The following HAT1 variants were observed in gnomAD, a reference collection of about 807,000 sequenced individuals.
HAT1 encodes the protein histone acetyltransferase 1.
In HAT1, 20 loss-of-function variants were observed where a neutral mutation model predicts 56.6. That is an observed-to-expected ratio of 0.35 (90% CI 0.25 to 0.51). The LOEUF (loss-of-function observed/expected upper bound fraction) is 0.51. Among genes scored for constraint, HAT1 ranks in the 20% least tolerant of loss-of-function variants. HAT1 has a pLI of 0.95. For missense variants in HAT1, 408 were observed against 504.3 expected, an observed-to-expected ratio of 0.81 and a Z score of 1.83; for synonymous variants, 146 against 165.5, an observed-to-expected ratio of 0.88 and a Z score of 0.91.
chr2:171,968,575 C>T (rs1687736512), intron 8 of HAT1, among the ~76,000 whole-genome samples: 1 of 152,126 alleles, frequency 6.6e-6, no homozygotes, highest in South Asian at 2.1e-4. Flanking sequence ...TGGTGTTATT[C>T]ATTAGAAACT....
At chr2:171,970,322 G>A (rs947672658) in intron 8 of HAT1, among the ~76,000 whole-genome samples, 1 of 151,500 alleles carries the variant, frequency 6.6e-6, no homozygotes, top group Non-Finnish European at 1.5e-5. Context: ...TCGGGAGGCT[G>A]AGGCAGGAGA....
rs1156555338 is a variant in HAT1 at position 171,967,015 on chromosome 2, A to T, written c.823+66A>T. The T allele has an allele frequency of 4.5e-5, 33 of 740,374 alleles. No homozygotes were observed. In the South Asian group the frequency reaches 5.3e-4, roughly 12 times the overall value. The allele number at this position is 740,374 out of a possible 1,614,324, so 45.9% of individuals were successfully genotyped here. On this transcript the variant is annotated intron_variant, in intron 8 of 10. Transcript: ENST00000264108. ...AAATGTCTTCTTACTGATTGATTTT[A>T]TTTTTGTCAGAAATAACTATTTTAA...
Position 171,983,191 on chromosome 2 carries a change from C to T in HAT1, c.1099C>T (p.Gln367Ter), listed in dbSNP as rs775152562. 6.5e-7 allele frequency: 1 copy of T among 1,545,702 alleles called. No homozygotes were observed. Among genetic ancestry groups the T allele is most frequent in the Non-Finnish European group, 8.7e-7 (1 of 1,143,160 alleles). The change falls in exon 11 of 11, where the codon CAG becomes TAG. Residue 367 changes from glutamine to a stop codon, truncating the protein, a stop_gained. Transcript: ENST00000264108. LOFTEE classifies it high-confidence loss of function. ...RRLISPYKKKQRDLAKMRKCL... is the reference protein window; with the variant it reads ...RRLISPYKKK The stretch of plus-strand genomic sequence containing the variant: ...ATAATTGTTTGTCACTTAGAAAAAG[C>T]AGAGAGATCTTGCTAAGATGAGAAA...
At chr2:171,960,407 T>C (rs1421179526) in intron 4 of HAT1, among the ~76,000 whole-genome samples, 1 of 152,202 alleles carries the variant, frequency 6.6e-6, no homozygotes, top group African/African-American at 2.4e-5. Flanking sequence ...AAAATTTTAT[T>C]TTGGATGTTA....
intron 4 of HAT1, chr2:171,965,128 T>C: frequency 2.0e-6 from 1 of 495,296 alleles, no homozygotes. Context: ...TGCCTTCTCT[T>C]ATTTACTTTT....
chr2:171,933,196 A>T (rs1054066707), intron 2 of HAT1, among the ~76,000 whole-genome samples: 1 of 152,058 alleles, frequency 6.6e-6, no homozygotes, highest in Non-Finnish European at 1.5e-5. Flanking sequence ...AGCTGGGACT[A>T]CAGGTGTACA....
Position 171,976,204 on chromosome 2 carries a change from G to A in HAT1, c.871G>A (p.Val291Met), listed in dbSNP as rs897459635. 1.3e-6 allele frequency: 2 copies of A among 1,597,356 alleles called. No individual in the cohort carries two copies. Among genetic ancestry groups the A allele is most frequent in the Non-Finnish European group, 1.7e-6 (2 of 1,171,006 alleles). The change falls in exon 9 of 11, where the codon GTG becomes ATG. Residue 291 changes from valine to methionine, a missense_variant. Val to Met is a conservative substitution (Grantham distance 21). Coordinates refer to ENST00000264108, the MANE Select transcript of HAT1 (RefSeq NM_003642.4). ...TGTGAAATTACGAGACTTTGTGCTTGTGAAGCTTTGTCAAGATTTGCCCTG... is the reference window on the plus strand; with the variant it reads ...TGTGAAATTACGAGACTTTGTGCTTATGAAGCTTTGTCAAGATTTGCCCTG... ...SYVKLRDFVL[V>M]KLCQDLPCFS...
rs1053170670 is a variant in HAT1 at position 171,978,126 on chromosome 2, A to C, written c.976-1121A>C. Among the ~76,000 whole-genome samples the C allele has an allele frequency of 2.1e-5, 3 of 145,292 alleles. No individual in the cohort carries two copies. In the East Asian group the frequency reaches 6.0e-4, roughly 29 times the overall value. ...TGAGGTGGAGTACAGTGGTGTAATCACGGCTACGGCTCACTGCAGCCTCAA... is the reference window on the plus strand; with the variant it reads ...TGAGGTGGAGTACAGTGGTGTAATCCCGGCTACGGCTCACTGCAGCCTCAA... On this transcript the variant is annotated intron_variant, in intron 9 of 10. Coordinates refer to ENST00000264108, the MANE Select transcript of HAT1 (RefSeq NM_003642.4).
intron 8 of HAT1, 66 bp downstream of exon 8, chr2:171,967,015 A>G (rs1156555338): frequency 1.4e-6 from 1 of 740,374 alleles, no homozygotes; most frequent in Non-Finnish European, 2.4e-6. Flanking sequence ...GATTGATTTT[A>G]TTTTTGTCAG....
At chr2:171,948,251 G>C (rs1337730057) in intron 3 of HAT1, among the ~76,000 whole-genome samples, 3 of 152,122 alleles carry the variant, frequency 2.0e-5, no homozygotes, top group Non-Finnish European at 4.4e-5. Context: ...TTGATACAGA[G>C]TCTCGCGTTG....
chr2:171,967,415 C>T (rs1687708467), intron 8 of HAT1, among the ~76,000 whole-genome samples: 1 of 152,134 alleles, frequency 6.6e-6, no homozygotes, highest in Non-Finnish European at 1.5e-5. Context: ...CATGCCTTCA[C>T]AACAGTAGTA....
intron 6 of HAT1, 96 bp downstream of exon 6, chr2:171,966,004 T>A: frequency 9.0e-7 from 1 of 1,108,058 alleles, no homozygotes; most frequent in Non-Finnish European, 1.3e-6. Context: ...TATAATGATA[T>A]TTTTCCCAGG....
intron 4 of HAT1, among the ~76,000 whole-genome samples, chr2:171,957,026 A>G (rs953255571): frequency 2.6e-5 from 4 of 151,766 alleles, no homozygotes; most frequent in African/African-American, 9.7e-5. Context: ...TCTGGGGAAC[A>G]TTTGTGGAGG....
intron 2 of HAT1, among the ~76,000 whole-genome samples, chr2:171,926,001 A>G (rs1342542702): frequency 6.6e-6 from 1 of 152,214 alleles, no homozygotes; most frequent in Non-Finnish European, 1.5e-5. Context: ...GCTGGTGGGA[A>G]TGTAAAGTGA....
chr2:171,966,289 TG>T (rs1687681262), intron 6 of HAT1, 119 bp from the exon 7 acceptor site: 1 of 704,990 alleles, frequency 1.4e-6, no homozygotes, highest in Non-Finnish European at 2.6e-6. Flanking sequence ...GTGTACCCAT[TG>T]GGCCCTCACA....
At chr2:171,947,376 T>A (rs1040244164) in intron 3 of HAT1, among the ~76,000 whole-genome samples, 2 of 152,048 alleles carry the variant, frequency 1.3e-5, no homozygotes, top group Non-Finnish European at 1.5e-5. Flanking sequence ...CACCTGAGCC[T>A]CCGAGTAGCT....
chr2:171,938,809 C>T (rs1478033041), intron 2 of HAT1, among the ~76,000 whole-genome samples: 42 of 152,012 alleles, frequency 2.8e-4, no homozygotes, highest in Admixed American at 2.8e-3. Flanking sequence ...GGTGCAGTCT[C>T]AGCTCACTGC....
At chr2:171,945,162 C>T (rs535588962) in intron 2 of HAT1, among the ~76,000 whole-genome samples, 6 of 152,034 alleles carry the variant, frequency 3.9e-5, no homozygotes, top group Non-Finnish European at 5.9e-5. Flanking sequence ...TGAGCCACCG[C>T]GCCCAGCCCT....
chr2:171,952,865 A>G lies in HAT1; in HGVS notation c.189-16A>G, dbSNP rs769042506. On this transcript the variant is annotated splice_polypyrimidine_tract_variant and intron_variant, in intron 3 of 10. Coordinates refer to ENST00000264108, the MANE Select transcript of HAT1 (RefSeq NM_003642.4). ...TGCAAAAATTCATTCCATTATTGCT[A>G]TTTTTTCCATTTCAGTGAAACTGCT... is the stretch of plus-strand genomic sequence containing the variant. The G allele has an allele frequency of 5.1e-6, 8 of 1,566,684 alleles. No homozygotes were observed. The highest frequency in any genetic ancestry group is 1.7e-4 in the Middle Eastern group (1 of 5,806).
Sources: gnomAD v4.1 joint callset for allele counts (sites outside exome capture counted in the v4.1 genomes callset) on GRCh38, gnomAD v4.1.1 for gene constraint, MANE v1.5 for transcripts, NCBI Gene and HGNC (gene_info 2026-07-23, HGNC 2026-07-21) for gene names.